Variants in KHDRBS2 observed in about 807,000 individuals in gnomAD.
KHDRBS2 encodes KH domain-containing, RNA-binding, signal transduction-associated protein 2.
KHDRBS2 carries 26 observed loss-of-function variants against 44.3 expected under a neutral mutation model. The observed-to-expected ratio is 0.59, with a 90% CI of 0.43 to 0.81. KHDRBS2 has a LOEUF of 0.81. KHDRBS2 is among the 40% of genes least tolerant of loss of function. KHDRBS2 has a pLI of 0.00. For missense variants in KHDRBS2, 476 were observed against 433.1 expected, an observed-to-expected ratio of 1.10 and a Z score of -0.88; for synonymous variants, 194 against 151.1, an observed-to-expected ratio of 1.28 and a Z score of -2.08.
intron 6 of KHDRBS2, among the ~76,000 whole-genome samples, chr6:61,793,831 G>C (rs1191612088): frequency 6.6e-6 from 1 of 152,028 alleles, no homozygotes; most frequent in Non-Finnish European, 1.5e-5. Context: ...GATTTCTCCA[G>C]ATGCTACCTC....
chr6:61,544,185 A>G, the KHDRBS2 span, among the ~76,000 whole-genome samples: 1 of 152,118 alleles, frequency 6.6e-6, no homozygotes, highest in East Asian at 1.9e-4. Flanking sequence ...ATTATTATGC[A>G]TTGTATGCCT....
chr6:61,663,640 T>G, the KHDRBS2 span, among the ~76,000 whole-genome samples: 2 of 148,986 alleles, frequency 1.3e-5, no homozygotes, highest in African/African-American at 4.9e-5. Context: ...GCAGTATCCT[T>G]AATGGCACGT....
chr6:61,878,521 G>T (rs1352701406), intron 6 of KHDRBS2, among the ~76,000 whole-genome samples: 1 of 152,014 alleles, frequency 6.6e-6, no homozygotes, highest in African/African-American at 2.4e-5. Context: ...TAGCAGAGCA[G>T]CATGAACTAG....
At chr6:61,602,907 C>G in the KHDRBS2 span, among the ~76,000 whole-genome samples, 28,497 of 152,026 alleles carry the variant, frequency 0.19, 2,803 homozygotes, top group African/African-American at 0.23. Context: ...CTGACTATTC[C>G]TAGGCTATAG....
At chr6:61,636,804 T>C in the KHDRBS2 span, among the ~76,000 whole-genome samples, 1 of 152,042 alleles carries the variant, frequency 6.6e-6, no homozygotes, top group African/African-American at 2.4e-5. Context: ...TATGTATGTG[T>C]TAATCATCTG....
At chr6:62,071,456 G>C (rs1795066442) in intron 2 of KHDRBS2, among the ~76,000 whole-genome samples, 1 of 152,110 alleles carries the variant, frequency 6.6e-6, no homozygotes, top group Non-Finnish European at 1.5e-5. Flanking sequence ...TTTTCTTCTA[G>C]GATTTTTATG....
intron 2 of KHDRBS2, among the ~76,000 whole-genome samples, chr6:62,065,050 C>T (rs1793224751): frequency 6.6e-6 from 1 of 152,158 alleles, no homozygotes; most frequent in Non-Finnish European, 1.5e-5. Flanking sequence ...CATCACTAGC[C>T]ATCAGAGAAA....
At chr6:61,758,977 AC>A (rs66909030) in intron 6 of KHDRBS2, among the ~76,000 whole-genome samples, 1,741 of 152,238 alleles carry the variant, frequency 0.011, 40 homozygotes, top group African/African-American at 0.04. Flanking sequence ...CATGGACAAT[AC>A]TATAATGTGC....
chr6:62,198,112 C>T (rs1236734563), intron 1 of KHDRBS2, among the ~76,000 whole-genome samples: 2 of 152,082 alleles, frequency 1.3e-5, no homozygotes, highest in African/African-American at 4.8e-5. Context: ...ATTTACAGCA[C>T]TAAATGCCCA....
At chr6:62,051,237 T>G (rs1788956857) in intron 2 of KHDRBS2, among the ~76,000 whole-genome samples, 1 of 152,046 alleles carries the variant, frequency 6.6e-6, no homozygotes, top group Non-Finnish European at 1.5e-5. Context: ...GAACTATTAT[T>G]TCATTGTATG....
At chr6:62,085,537 A>G (rs183772438) in intron 2 of KHDRBS2, among the ~76,000 whole-genome samples, 2 of 152,188 alleles carry the variant, frequency 1.3e-5, no homozygotes, top group Non-Finnish European at 2.9e-5. Flanking sequence ...ATATGCCACA[A>G]AAATGACTGC....
chr6:61,831,258 T>A (rs1791748811), intron 6 of KHDRBS2, among the ~76,000 whole-genome samples: 1 of 152,118 alleles, frequency 6.6e-6, no homozygotes, highest in Admixed American at 6.6e-5. Flanking sequence ...TCTTATTACA[T>A]TATGGACTAA....
At chr6:62,278,779 A>G (rs1841368037) in intron 1 of KHDRBS2, among the ~76,000 whole-genome samples, 1 of 152,112 alleles carries the variant, frequency 6.6e-6, no homozygotes, top group Non-Finnish European at 1.5e-5. Flanking sequence ...AGTGCTAGAA[A>G]AGCCAGCAAC....
At chr6:61,976,002 T>G (rs1295502447) in intron 4 of KHDRBS2, among the ~76,000 whole-genome samples, 1 of 152,152 alleles carries the variant, frequency 6.6e-6, no homozygotes, top group East Asian at 1.9e-4. Context: ...AAAACCAGCA[T>G]GTCTGAAGTG....
At chr6:61,934,723 G>T (rs966553540) in intron 4 of KHDRBS2, among the ~76,000 whole-genome samples, 1 of 152,118 alleles carries the variant, frequency 6.6e-6, no homozygotes, top group African/African-American at 2.4e-5. Context: ...TTTAGTGGAA[G>T]GAAGAATGCA....
chr6:61,724,230 A>T (rs1023920059), intron 7 of KHDRBS2, among the ~76,000 whole-genome samples: 6 of 152,150 alleles, frequency 3.9e-5, no homozygotes, highest in Non-Finnish European at 7.3e-5. Flanking sequence ...TTCATAAATG[A>T]TGGAGAAATA....
At chr6:61,979,485 G>A (rs1773406016) in intron 3 of KHDRBS2, among the ~76,000 whole-genome samples, 1 of 152,086 alleles carries the variant, frequency 6.6e-6, no homozygotes, top group African/African-American at 2.4e-5. Context: ...TATAACCCAT[G>A]TTAATGTGAG....
At chr6:61,558,493 T>C in the KHDRBS2 span, among the ~76,000 whole-genome samples, 2 of 152,116 alleles carry the variant, frequency 1.3e-5, no homozygotes, top group African/African-American at 2.4e-5. Flanking sequence ...GCCCAGGATG[T>C]TGAGGCTGCA....
chr6:62,055,233 A>C (rs1403858467), intron 2 of KHDRBS2, among the ~76,000 whole-genome samples: 1 of 152,030 alleles, frequency 6.6e-6, no homozygotes, highest in Non-Finnish European at 1.5e-5. Context: ...AAAAACAAAT[A>C]TAGAACTAAG....
Sources: gnomAD v4.1 joint callset for allele counts (sites outside exome capture counted in the v4.1 genomes callset) on GRCh38, gnomAD v4.1.1 for gene constraint, MANE v1.5 for transcripts, NCBI Gene and HGNC (gene_info 2026-07-23, HGNC 2026-07-21) for gene names.